Variants in CAMTA1 observed in about 807,000 individuals in gnomAD.
CAMTA1 encodes the protein calmodulin-binding transcription activator 1.
CAMTA1 carries 27 observed loss-of-function variants against 170.9 expected under a neutral mutation model. The observed-to-expected ratio is 0.16, with a 90% CI of 0.12 to 0.22. The LOEUF (loss-of-function observed/expected upper bound fraction) is 0.22, where lower values mean the gene tolerates loss of function less well. Ranked by LOEUF, CAMTA1 falls within the 10% of genes least tolerant of loss-of-function variation. The pLI is 1.00. For synonymous variants in CAMTA1, 833 were observed against 891.5 expected (o/e 0.93, Z 1.17); for missense variants, 1,619 against 2,217.2 (o/e 0.73, Z 5.42).
chr1:7,757,488 C>T (rs969153769), intron 22 of CAMTA1, among the ~76,000 whole-genome samples: 12 of 152,142 alleles, frequency 7.9e-5, no homozygotes, highest in South Asian at 2.1e-4. Context: ...TTAAAAGGGC[C>T]GGCCATGGTG....
chr1:7,138,302 G>A (rs1645659550), intron 4 of CAMTA1, among the ~76,000 whole-genome samples: 1 of 152,102 alleles, frequency 6.6e-6, no homozygotes, highest in Non-Finnish European at 1.5e-5. Flanking sequence ...CATCTTTGTA[G>A]CATGAATACC....
rs537268858 is a variant in CAMTA1, at chr1:7,529,598, G to A, written c.510+61697G>A. ...CCGTGCAGGCAGGCCCCGAGTCCAC[G>A]TTCCCTGCTCCTCTGTGATACTTCT... On this transcript the variant is annotated intron_variant, in intron 6 of 22. Transcript: ENST00000303635. Among the ~76,000 whole-genome samples the A allele has an allele frequency of 3.9e-5, 6 of 152,248 alleles. 1 individual carries two copies. In the South Asian group the frequency reaches 1.0e-3, roughly 26 times the overall value.
chr1:7,507,248 CAT>C (rs1157617202), intron 6 of CAMTA1, among the ~76,000 whole-genome samples: 2 of 152,158 alleles, frequency 1.3e-5, no homozygotes, highest in Non-Finnish European at 2.9e-5. Flanking sequence ...CTCACGCTCA[CAT>C]ATTTGCACAC....
chr1:6,903,993 CTCTT>C (rs923459918), intron 3 of CAMTA1, among the ~76,000 whole-genome samples: 7 of 152,224 alleles, frequency 4.6e-5, no homozygotes, highest in Non-Finnish European at 1.0e-4. Flanking sequence ...TTATTCCTCT[CTCTT>C]GAGTTCAAAC....
chr1:7,663,961 G>A lies in CAMTA1; in HGVS notation c.1414G>A (p.Gly472Ser), dbSNP rs1377787788. The change falls in exon 9 of 23, where the codon GGT becomes AGT. Residue 472 changes from glycine to serine, a missense_variant. Gly to Ser is a moderately conservative substitution (Grantham distance 56). Coordinates refer to ENST00000303635, the MANE Select transcript of CAMTA1 (RefSeq NM_015215.4). Reference protein sequence around the residue: ...EELVLSTTLDGGRKIPETTMN... With the variant: ...EELVLSTTLDSGRKIPETTMN... ...GCTGGTCCTCTCCACCACCCTCGAC[G>A]GTGGCCGGAAGATTCCAGAAACCAC... 10 of 1,613,634 alleles carry A rather than the reference G, an allele frequency of 6.2e-6. No individual in the cohort carries two copies. The highest frequency in any genetic ancestry group is 1.6e-4 in the Middle Eastern group (1 of 6,084).
chr1:7,108,189 G>A (rs954123789), intron 4 of CAMTA1, among the ~76,000 whole-genome samples: 3 of 152,130 alleles, frequency 2.0e-5, no homozygotes, highest in African/African-American at 4.8e-5. Flanking sequence ...AATTCCTACC[G>A]AAGCGCTTGG....
At chr1:7,411,150 G>A (rs2090705899) in intron 5 of CAMTA1, among the ~76,000 whole-genome samples, 1 of 152,054 alleles carries the variant, frequency 6.6e-6, no homozygotes, top group Non-Finnish European at 1.5e-5. Flanking sequence ...TGGATAAGGA[G>A]CCAGCTGCTT....
chr1:7,352,237 C>T (rs2084739321), intron 5 of CAMTA1, among the ~76,000 whole-genome samples: 1 of 151,714 alleles, frequency 6.6e-6, no homozygotes, highest in African/African-American at 2.4e-5. Context: ...TGGGTGGTAA[C>T]TGCATCAGCA....
chr1:7,595,557 G>A (rs1029951225), intron 6 of CAMTA1, among the ~76,000 whole-genome samples: 24 of 152,146 alleles, frequency 1.6e-4, no homozygotes, highest in African/African-American at 5.3e-4. Flanking sequence ...CCCGGACACC[G>A]CCGGGGATGC....
chr1:6,836,934 G>C (rs1181979120), intron 3 of CAMTA1, among the ~76,000 whole-genome samples: 6 of 150,868 alleles, frequency 4.0e-5, no homozygotes, highest in Non-Finnish European at 8.9e-5. Context: ...CTCATACCCT[G>C]AAGGAGTTCT....
chr1:7,732,598 A>T lies in CAMTA1; in HGVS notation c.3065A>T (p.Gln1022Leu), dbSNP rs1246837753. Residue 1022 changes from glutamine (Q) to leucine (L), a missense_variant and splice_region_variant, in exon 12 of 23, where the codon CAG becomes CTG. By Grantham distance (113) the Gln-to-Leu change is moderately radical (BLOSUM62 -2). Transcript: ENST00000303635. The surrounding 1 kb of genome is among the most constrained non-coding windows in gnomAD (Gnocchi z 4.1). ...SGSGNGGSQA[Q>L]CASGTGALGS... ...AGCGGGAATGGAGGGAGCCAGGCAC[A>T]GGTACGAGGCGGTGCTGATGCTCAG... is the stretch of plus-strand genomic sequence containing the variant. 1 of 1,600,440 alleles carries T rather than the reference A, an allele frequency of 6.2e-7. No individual in the cohort carries two copies. Among genetic ancestry groups the T allele is most frequent in the Admixed American group, 1.7e-5 (1 of 57,888 alleles).
intron 4 of CAMTA1, among the ~76,000 whole-genome samples, chr1:7,167,851 T>C (rs1648798152): frequency 6.6e-6 from 1 of 152,066 alleles, no homozygotes; most frequent in South Asian, 2.1e-4. Flanking sequence ...TAGCCTCAAG[T>C]GATCCTCCCA....
intron 8 of CAMTA1, 45 bp from the exon 9 acceptor site, chr1:7,663,308 G>C: frequency 1.3e-6 from 2 of 1,513,266 alleles, no homozygotes; most frequent in Non-Finnish European, 1.8e-6. Context: ...GTGTGCACAT[G>C]TGTGCCTGCG....
intron 11 of CAMTA1, among the ~76,000 whole-genome samples, chr1:7,730,658 G>A (rs1354915312): frequency 6.6e-6 from 1 of 152,190 alleles, no homozygotes; most frequent in Non-Finnish European, 1.5e-5. Flanking sequence ...CACTTTGGGA[G>A]GCTGAGGCGG....
At chr1:7,023,840 C>G (rs1253944689) in intron 3 of CAMTA1, among the ~76,000 whole-genome samples, 1 of 151,748 alleles carries the variant, frequency 6.6e-6, no homozygotes, top group Non-Finnish European at 1.5e-5. Flanking sequence ...CCAGCCTGAC[C>G]AACATGGTGA....
intron 6 of CAMTA1, among the ~76,000 whole-genome samples, chr1:7,572,784 G>A (rs923053067): frequency 6.6e-6 from 1 of 152,212 alleles, no homozygotes; most frequent in Non-Finnish European, 1.5e-5. Flanking sequence ...CACATGTTCA[G>A]ACCAGAGCAG....
chr1:7,420,155 C>T (rs1393699131), intron 5 of CAMTA1, among the ~76,000 whole-genome samples: 2 of 152,106 alleles, frequency 1.3e-5, no homozygotes, highest in Non-Finnish European at 2.9e-5. Context: ...CTGTTCTCCA[C>T]GCGTGCCCCT....
intron 3 of CAMTA1, among the ~76,000 whole-genome samples, chr1:7,040,930 G>C (rs1704351090): frequency 1.3e-5 from 2 of 152,178 alleles, no homozygotes; most frequent in East Asian, 1.9e-4. Context: ...CACCATGTTG[G>C]CCAGGATGGT....
chr1:7,128,771 C>T (rs966903290), intron 4 of CAMTA1, among the ~76,000 whole-genome samples: 1 of 150,736 alleles, frequency 6.6e-6, no homozygotes, highest in African/African-American at 2.4e-5. Flanking sequence ...TCTCCTGCCT[C>T]AGCCTCCCAA....
Sources: gnomAD v4.1 joint callset for allele counts (sites outside exome capture counted in the v4.1 genomes callset) on GRCh38, gnomAD v4.1.1 for gene constraint, Gnocchi (gnomAD v3.1) non-coding constraint, MANE v1.5 for transcripts, NCBI Gene and HGNC (gene_info 2026-07-23, HGNC 2026-07-21) for gene names.